Variants in PGM1 observed in about 807,000 individuals in gnomAD.
The protein encoded by PGM1 is phosphoglucomutase-1.
PGM1 carries 52 observed loss-of-function variants against 55.6 expected under a neutral mutation model. The observed-to-expected ratio is 0.94, with a 90% confidence interval of 0.75 to 1.18. The LOEUF (loss-of-function observed/expected upper bound fraction) is 1.18. Ranked by LOEUF, PGM1 falls within the 50% of genes most tolerant of loss-of-function variation. PGM1 has a pLI of 0.00. For synonymous variants in PGM1, 287 were observed against 271.7 expected (o/e 1.06, Z -0.55); for missense variants, 724 against 729.3 (o/e 0.99, Z 0.08).
intron 1 of PGM1, among the ~76,000 whole-genome samples, chr1:63,616,872 C>T (rs1423101727): frequency 6.6e-6 from 1 of 152,186 alleles, no homozygotes; most frequent in African/African-American, 2.4e-5. Context: ...CCTAACTCTA[C>T]TAAAATGCAC....
At chr1:63,641,455 C>A (rs1331483497) in intron 7 of PGM1, among the ~76,000 whole-genome samples, 1 of 152,162 alleles carries the variant, frequency 6.6e-6, no homozygotes, top group African/African-American at 2.4e-5. Flanking sequence ...AGCAACCACG[C>A]CCCTTGCTAG....
At chr1:63,621,236 C>T (rs1210584981) in intron 1 of PGM1, among the ~76,000 whole-genome samples, 1 of 151,908 alleles carries the variant, frequency 6.6e-6, no homozygotes, top group African/African-American at 2.4e-5. Flanking sequence ...TCTCGTAATT[C>T]TGCCCTCAGA....
intron 1 of PGM1, among the ~76,000 whole-genome samples, chr1:63,620,544 C>A (rs1410294296): frequency 1.3e-5 from 2 of 152,190 alleles, no homozygotes; most frequent in African/African-American, 4.8e-5. Flanking sequence ...CAGGCCAGCC[C>A]TCACATGGGG....
At chr1:63,620,021 C>T (rs778615205) in intron 1 of PGM1, among the ~76,000 whole-genome samples, 3 of 152,124 alleles carry the variant, frequency 2.0e-5, no homozygotes, top group African/African-American at 4.8e-5. Flanking sequence ...TGACAATGAC[C>T]GATAATCTAC....
At chr1:63,654,918 T>C (rs1053628762) in intron 10 of PGM1, among the ~76,000 whole-genome samples, 1 of 151,840 alleles carries the variant, frequency 6.6e-6, no homozygotes, top group Non-Finnish European at 1.5e-5. Flanking sequence ...ACAGAAAAGT[T>C]AAGCAACAGT....
At position 63,636,278 on chromosome 1, in the gene PGM1, T is replaced by A. The variant is rs763180708; in HGVS notation, c.918T>A (p.Pro306=). ...GCAAGCATGGGTTCTTTGTGAACCC[T>A]TCAGACTCTGTGGCTGTCATTGCTG... The part of the protein sequence containing the change: ...ILGKHGFFVN[P]SDSVAVIAAN... The change falls in exon 6 of 11, where the codon CCT becomes CCA. Residue 306 remains proline, a synonymous_variant. Coordinates refer to ENST00000371084, the MANE Select transcript of PGM1 (RefSeq NM_002633.3). 3 of 1,614,094 alleles carry A rather than the reference T, an allele frequency of 1.9e-6. No homozygotes were observed. The South Asian group carries it at 3.3e-5, about 18-fold the overall frequency.
intron 5 of PGM1, 68 bp from the exon 6 acceptor site, chr1:63,636,166 A>G (rs113488130): frequency 5.5e-6 from 8 of 1,444,958 alleles, no homozygotes; most frequent in African/African-American, 1.4e-5. Context: ...TAAAACCCCC[A>G]TGAAAGATAG....
intron 4 of PGM1, among the ~76,000 whole-genome samples, chr1:63,632,500 C>A (rs562696400): frequency 6.6e-6 from 1 of 152,332 alleles, no homozygotes; most frequent in Admixed American, 6.5e-5. Flanking sequence ...CTAAAACCTT[C>A]CATCCTTGAA....
intron 4 of PGM1, among the ~76,000 whole-genome samples, chr1:63,634,062 G>A (rs976222430): frequency 1.4e-5 from 2 of 147,830 alleles, no homozygotes; most frequent in African/African-American, 5.0e-5. Context: ...AATTACAGGT[G>A]TGAGCCACCG....
intron 4 of PGM1, among the ~76,000 whole-genome samples, chr1:63,633,914 GTGTGTATA>G (rs1229712592): frequency 2.9e-5 from 1 of 34,370 alleles, no homozygotes; most frequent in African/African-American, 2.4e-4. Context: ...GTGTGTGTGT[GTGTGTATA>G]TATATATATA....
At position 63,659,711 on chromosome 1, in the gene PGM1, C is replaced by T. The variant is rs771682029; in HGVS notation, c.*36C>T. Reference sequence around the variant, plus strand: ...CTGATGTGGTACGTCCCTCCACCCCCGGACCCATCCAAGTCATCTGATTGA... The same window carrying T: ...CTGATGTGGTACGTCCCTCCACCCCTGGACCCATCCAAGTCATCTGATTGA... On this transcript the variant is annotated 3_prime_UTR_variant, in exon 11 of 11. Coordinates refer to ENST00000371084, the MANE Select transcript of PGM1 (RefSeq NM_002633.3). 23 of 1,456,660 alleles carry T rather than the reference C, an allele frequency of 1.6e-5. No individual in the cohort carries two copies. Among genetic ancestry groups the T allele is most frequent in the Middle Eastern group, 1.7e-4 (1 of 5,794 alleles). 90.2% of individuals were successfully genotyped at this position (1,456,660 alleles called of 1,614,324 possible).
intron 7 of PGM1, among the ~76,000 whole-genome samples, chr1:63,646,973 T>G (rs1649660755): frequency 6.6e-6 from 1 of 152,072 alleles, no homozygotes; most frequent in Non-Finnish European, 1.5e-5. Context: ...CCGGGCATGG[T>G]GGCTCACGCC....
At chr1:63,646,965 G>T (rs181344345) in intron 7 of PGM1, among the ~76,000 whole-genome samples, 1 of 151,850 alleles carries the variant, frequency 6.6e-6, no homozygotes, top group Non-Finnish European at 1.5e-5. Context: ...AAATGTGGCC[G>T]GGCATGGTGG....
At position 63,627,924 on chromosome 1, in the gene PGM1, TC is replaced by T. The variant is rs143754315; in HGVS notation, c.247-1496del. Among the ~76,000 whole-genome samples, 1,042 of 152,202 alleles carry T rather than the reference TC, an allele frequency of 6.8e-3. 9 individuals are homozygous for T. The highest frequency in any genetic ancestry group is 0.024 in the African/African-American group (1,009 of 41,518). On this transcript the variant is annotated intron_variant, in intron 1 of 10. Transcript: ENST00000371084. ...GTTGAGTCAGGACGTTTCAATACTT[TC>T]CCCCACCATGGCCGCTAATGTGCTG...
chr1:63,618,486 A>G (rs1330829107), intron 1 of PGM1, among the ~76,000 whole-genome samples: 1 of 152,158 alleles, frequency 6.6e-6, no homozygotes, highest in Non-Finnish European at 1.5e-5. Context: ...CTAATATCCC[A>G]CATTTCTTAA....
chr1:63,606,087 G>A (rs1648410254), intron 1 of PGM1, among the ~76,000 whole-genome samples: 1 of 152,198 alleles, frequency 6.6e-6, no homozygotes, highest in Non-Finnish European at 1.5e-5. Context: ...AGAATGGCCA[G>A]CCCTTGCCTG....
At chr1:63,647,259 C>CATATTTATAT (rs1649673538) in intron 7 of PGM1, among the ~76,000 whole-genome samples, 1 of 55,446 alleles carries the variant, frequency 1.8e-5, no homozygotes, top group Non-Finnish European at 3.4e-5. Context: ...TAAAATTTTA[C>CATATTTATAT]ATATATATAT....
At position 63,593,803 on chromosome 1, in the gene PGM1, T is replaced by C. The variant is rs930246149; in HGVS notation, c.246+69T>C. 5.5e-6 allele frequency: 8 copies of C among 1,450,858 alleles called. No individual in the cohort carries two copies. In the South Asian group the frequency reaches 7.0e-5, roughly 13 times the overall value. The allele number at this position is 1,450,858 out of a possible 1,614,324, so 89.9% of individuals were successfully genotyped here. A position where few individuals can be genotyped will look rare whatever the true frequency, so the allele number is the denominator to read the frequency against. ...GTGCGACGTGCGGCCCGCGGCGCCC[T>C]CCCTCGCTCGGGGCCGGCCGCTTCC... On this transcript the variant is annotated intron_variant, in intron 1 of 10. Coordinates refer to ENST00000371084, the MANE Select transcript of PGM1 (RefSeq NM_002633.3).
At chr1:63,604,118 G>A (rs1018018126) in intron 1 of PGM1, among the ~76,000 whole-genome samples, 2 of 152,122 alleles carry the variant, frequency 1.3e-5, no homozygotes, top group Non-Finnish European at 2.9e-5. Flanking sequence ...TCTTACCGCT[G>A]CAGATCTGTT....
Sources: gnomAD v4.1 joint callset for allele counts (sites outside exome capture counted in the v4.1 genomes callset) on GRCh38, gnomAD v4.1.1 for gene constraint, MANE v1.5 for transcripts, NCBI Gene and HGNC (gene_info 2026-07-23, HGNC 2026-07-21) for gene names.